The following DNAJC1 variants were observed in gnomAD, a reference collection of about 807,000 sequenced individuals.
DNAJC1 encodes dnaJ homolog subfamily C member 1.
A neutral mutation model predicts 76.6 loss-of-function variants in DNAJC1; 58 were observed. That is an observed-to-expected ratio of 0.76 (90% CI 0.61 to 0.94). The LOEUF (loss-of-function observed/expected upper bound fraction) is 0.94, where lower values mean the gene tolerates loss of function less well. Among genes scored for constraint, DNAJC1 ranks in the 40% least tolerant of loss-of-function variants. DNAJC1 has a pLI of 0.00. For missense variants in DNAJC1, 689 were observed against 677.3 expected, an observed-to-expected ratio of 1.02 and a Z score of -0.19; for synonymous variants, 258 against 267.9, an observed-to-expected ratio of 0.96 and a Z score of 0.36.
At chr10:21,929,440 T>G (rs1406711876) in intron 1 of DNAJC1, among the ~76,000 whole-genome samples, 1 of 152,198 alleles carries the variant, frequency 6.6e-6, no homozygotes, top group Non-Finnish European at 1.5e-5. Flanking sequence ...CAATAAATCT[T>G]TTTCAGTAAT....
intron 9 of DNAJC1, among the ~76,000 whole-genome samples, chr10:21,793,889 G>T (rs1357559270): frequency 6.6e-6 from 1 of 152,120 alleles, no homozygotes; most frequent in African/African-American, 2.4e-5. Context: ...GGAGGTCGAG[G>T]CTATAGTGAG....
At chr10:21,956,181 C>T (rs1416028867) in intron 1 of DNAJC1, among the ~76,000 whole-genome samples, 2 of 152,078 alleles carry the variant, frequency 1.3e-5, no homozygotes, top group Admixed American at 6.6e-5. Context: ...CAAGAGAGCA[C>T]GAGGGACAAA....
At chr10:21,819,748 G>A (rs1042496590) in intron 8 of DNAJC1, among the ~76,000 whole-genome samples, 7 of 151,998 alleles carry the variant, frequency 4.6e-5, no homozygotes, top group African/African-American at 1.2e-4. Context: ...TGGCCAACAT[G>A]GTGAAACACC....
chr10:21,894,054 A>C (rs1171420052), intron 7 of DNAJC1, among the ~76,000 whole-genome samples: 2 of 152,238 alleles, frequency 1.3e-5, no homozygotes, highest in Non-Finnish European at 2.9e-5. Flanking sequence ...CTTAGATGAA[A>C]AAGACCAATT....
At chr10:21,778,967 C>T (rs1009204606) in intron 9 of DNAJC1, among the ~76,000 whole-genome samples, 18 of 152,220 alleles carry the variant, frequency 1.2e-4, no homozygotes, top group African/African-American at 2.2e-4. Flanking sequence ...CTGGCTTGGA[C>T]GGTCCCACGC....
chr10:21,977,412 A>G (rs894457743), intron 1 of DNAJC1, among the ~76,000 whole-genome samples: 1 of 152,230 alleles, frequency 6.6e-6, no homozygotes, highest in South Asian at 2.1e-4. Context: ...TATTTTGTAG[A>G]CATCCACGTG....
intron 8 of DNAJC1, among the ~76,000 whole-genome samples, chr10:21,840,675 G>T (rs927466584): frequency 1.3e-4 from 20 of 152,118 alleles, no homozygotes; most frequent in Non-Finnish European, 2.2e-4. Flanking sequence ...TGGCCATACT[G>T]CCCAAGGTAA....
intron 9 of DNAJC1, among the ~76,000 whole-genome samples, chr10:21,777,150 T>C (rs997178725): frequency 4.5e-4 from 68 of 152,200 alleles, no homozygotes; most frequent in Admixed American, 4.5e-3. Flanking sequence ...ATATCATTAA[T>C]AGTATTCAAA....
intron 9 of DNAJC1, among the ~76,000 whole-genome samples, chr10:21,780,484 C>G (rs929724014): frequency 2.6e-5 from 4 of 152,156 alleles, no homozygotes; most frequent in Admixed American, 2.6e-4. Context: ...AATTTCATAG[C>G]CAGCCAAACT....
At chr10:21,883,294 A>ACACACACC (rs1372463844) in intron 7 of DNAJC1, among the ~76,000 whole-genome samples, 6 of 149,440 alleles carry the variant, frequency 4.0e-5, no homozygotes, top group South Asian at 4.2e-4. Flanking sequence ...ACACACACAC[A>ACACACACC]CCATTTTAAC....
At chr10:21,778,383 T>C (rs1007034416) in intron 9 of DNAJC1, among the ~76,000 whole-genome samples, 8 of 152,294 alleles carry the variant, frequency 5.3e-5, no homozygotes, top group African/African-American at 1.7e-4. Context: ...TTCCTTTTAG[T>C]TCAAATATCG....
intron 8 of DNAJC1, among the ~76,000 whole-genome samples, chr10:21,832,181 T>C (rs1835368199): frequency 6.6e-6 from 1 of 152,194 alleles, no homozygotes; most frequent in African/African-American, 2.4e-5. Context: ...GCCATATTTG[T>C]TTTATCTCCT....
At chr10:21,787,739 C>T (rs1314064204) in intron 9 of DNAJC1, among the ~76,000 whole-genome samples, 2 of 152,184 alleles carry the variant, frequency 1.3e-5, no homozygotes, top group Non-Finnish European at 2.9e-5. Flanking sequence ...AAGAGGATCC[C>T]AGCAGCCCCC....
chr10:21,924,254 A>C (rs1837084960), intron 3 of DNAJC1, among the ~76,000 whole-genome samples: 1 of 152,184 alleles, frequency 6.6e-6, no homozygotes. Context: ...CACACCTGTA[A>C]TCAAATTTAC....
At chr10:21,818,703 G>C (rs1257334293) in intron 8 of DNAJC1, among the ~76,000 whole-genome samples, 1 of 152,138 alleles carries the variant, frequency 6.6e-6, no homozygotes, top group Non-Finnish European at 1.5e-5. Flanking sequence ...GAACCTACAT[G>C]ACTATCAGGG....
At chr10:21,770,176 A>G (rs1834356210) in intron 9 of DNAJC1, among the ~76,000 whole-genome samples, 1 of 152,050 alleles carries the variant, frequency 6.6e-6, no homozygotes, top group African/African-American at 2.4e-5. Flanking sequence ...CACCACCTGC[A>G]CTAGTCCTTC....
At chr10:21,828,270 G>C (rs1041089290) in intron 8 of DNAJC1, among the ~76,000 whole-genome samples, 3 of 152,112 alleles carry the variant, frequency 2.0e-5, no homozygotes, top group Admixed American at 2.0e-4. Flanking sequence ...TGCCCAGCTA[G>C]GCACTATTAT....
intron 9 of DNAJC1, among the ~76,000 whole-genome samples, chr10:21,804,516 G>A (rs1454299743): frequency 1.3e-5 from 2 of 151,794 alleles, no homozygotes; most frequent in African/African-American, 4.8e-5. Flanking sequence ...TTACTGATAT[G>A]TCATTATTAA....
At chr10:21,979,814 C>A (rs1838124035) in intron 1 of DNAJC1, among the ~76,000 whole-genome samples, 1 of 151,760 alleles carries the variant, frequency 6.6e-6, no homozygotes, top group African/African-American at 2.4e-5. Context: ...CTACCCACAG[C>A]AAACTTTGTT....
Sources: allele counts gnomAD v4.1 joint callset (sites outside exome capture counted in the v4.1 genomes callset), GRCh38; gene constraint gnomAD v4.1.1; transcripts MANE v1.5; gene names NCBI Gene and HGNC (gene_info 2026-07-23, HGNC 2026-07-21).